The following SPAG16 variants were observed in gnomAD, a reference collection of about 807,000 sequenced individuals.
SPAG16 encodes sperm associated antigen 16, also known as sperm-associated antigen 16 protein.
A neutral mutation model predicts 80.4 loss-of-function variants in SPAG16; 86 were observed. The ratio of observed to expected loss-of-function variants is 1.07; its 90% CI spans 0.90 to 1.28. SPAG16 has a LOEUF of 1.28. Ranked by LOEUF, SPAG16 falls within the 50% of genes most tolerant of loss-of-function variation. SPAG16 has a pLI of 0.00. For synonymous variants in SPAG16, 294 were observed against 265.9 expected (o/e 1.11, Z -1.03); for missense variants, 870 against 765.3 (o/e 1.14, Z -1.61).
intron 15 of SPAG16, among the ~76,000 whole-genome samples, chr2:214,182,942 T>TAAG: frequency 6.6e-6 from 1 of 152,078 alleles, no homozygotes; most frequent in East Asian, 1.9e-4. Context: ...ATCCCAATTA[T>TAAG]AAGGAACTCT....
intron 15 of SPAG16, among the ~76,000 whole-genome samples, chr2:214,158,364 A>G (rs115527375): frequency 0.013 from 1,917 of 152,058 alleles, 16 homozygotes; most frequent in Middle Eastern, 0.02. Context: ...AATTTGATAT[A>G]AAAATATTAT....
chr2:214,231,692 T>C (rs989118084), intron 15 of SPAG16, among the ~76,000 whole-genome samples: 1 of 152,070 alleles, frequency 6.6e-6, no homozygotes, highest in Non-Finnish European at 1.5e-5. Context: ...CAAAGAAACT[T>C]GCAGTAAACT....
At chr2:214,185,686 A>G (rs1377056192) in intron 15 of SPAG16, among the ~76,000 whole-genome samples, 1 of 152,144 alleles carries the variant, frequency 6.6e-6, no homozygotes, top group African/African-American at 2.4e-5. Flanking sequence ...TGCAGGCCAG[A>G]CAGAGACAGA....
chr2:213,542,326 T>C (rs2076474633), intron 10 of SPAG16, among the ~76,000 whole-genome samples: 1 of 152,186 alleles, frequency 6.6e-6, no homozygotes, highest in African/African-American at 2.4e-5. Context: ...CTTTACTTTC[T>C]TCAGTGTTTT....
chr2:213,801,131 T>C (rs1476437505), intron 10 of SPAG16, among the ~76,000 whole-genome samples: 1 of 152,246 alleles, frequency 6.6e-6, no homozygotes, highest in African/African-American at 2.4e-5. Context: ...TCAGATCTTT[T>C]CTGGCAGACC....
At chr2:214,050,655 A>C (rs188444048) in intron 13 of SPAG16, among the ~76,000 whole-genome samples, 1 of 152,278 alleles carries the variant, frequency 6.6e-6, no homozygotes, top group East Asian at 1.9e-4. Flanking sequence ...TATGTATTTT[A>C]AAAAGCCCAT....
intron 10 of SPAG16, among the ~76,000 whole-genome samples, chr2:213,675,382 T>C (rs1048650953): frequency 2.6e-5 from 4 of 152,222 alleles, no homozygotes; most frequent in East Asian, 1.9e-4. Context: ...AGAAGCTCTT[T>C]AGTTTAATTA....
At chr2:213,320,147 G>A (rs1316306238) in intron 5 of SPAG16, among the ~76,000 whole-genome samples, 1 of 151,860 alleles carries the variant, frequency 6.6e-6, no homozygotes, top group Admixed American at 6.6e-5. Context: ...TTATAGCCTG[G>A]TTCTACTGAT....
At chr2:213,427,565 A>G (rs995043779) in intron 9 of SPAG16, among the ~76,000 whole-genome samples, 2 of 152,168 alleles carry the variant, frequency 1.3e-5, no homozygotes, top group African/African-American at 4.8e-5. Context: ...ATACATCTCA[A>G]TAAGAAAGTC....
At chr2:213,846,638 C>T (rs867858329) in intron 10 of SPAG16, among the ~76,000 whole-genome samples, 4 of 151,786 alleles carry the variant, frequency 2.6e-5, no homozygotes, top group South Asian at 4.2e-4. Context: ...CAGTGAGACC[C>T]CTTTATCTTA....
chr2:213,443,428 C>T (rs1382918923), intron 9 of SPAG16, among the ~76,000 whole-genome samples: 1 of 152,080 alleles, frequency 6.6e-6, no homozygotes, highest in East Asian at 1.9e-4. Context: ...CTGTGTCTGG[C>T]TTATTTCAGT....
chr2:214,269,147 CTTTG>C (rs1015062192), intron 15 of SPAG16, among the ~76,000 whole-genome samples: 4 of 151,904 alleles, frequency 2.6e-5, no homozygotes, highest in Admixed American at 6.6e-5. Context: ...AGCAAAATAT[CTTTG>C]TTTCAGTTTA....
At chr2:214,044,737 T>C (rs971087648) in intron 13 of SPAG16, among the ~76,000 whole-genome samples, 8 of 151,612 alleles carry the variant, frequency 5.3e-5, no homozygotes, top group South Asian at 4.2e-4. Context: ...AGAGGGAGAG[T>C]TCAACAATTG....
chr2:213,923,581 C>T (rs1056710998), intron 11 of SPAG16, among the ~76,000 whole-genome samples: 8 of 152,150 alleles, frequency 5.3e-5, no homozygotes, highest in South Asian at 2.1e-4. Context: ...TATCATGTGT[C>T]GCTTGCCTGG....
At chr2:214,079,738 A>T (rs1336793709) in intron 13 of SPAG16, among the ~76,000 whole-genome samples, 1 of 152,148 alleles carries the variant, frequency 6.6e-6, no homozygotes, top group African/African-American at 2.4e-5. Context: ...CTTATTTTAG[A>T]AGTCAGATTT....
chr2:213,359,956 G>C (rs542581214), intron 7 of SPAG16, among the ~76,000 whole-genome samples: 11 of 152,100 alleles, frequency 7.2e-5, no homozygotes, highest in Admixed American at 2.0e-4. Context: ...ATCTAATATG[G>C]AACAGTTAGT....
At chr2:213,496,072 G>A (rs1190580618) in intron 10 of SPAG16, among the ~76,000 whole-genome samples, 2 of 152,138 alleles carry the variant, frequency 1.3e-5, no homozygotes, top group East Asian at 3.8e-4. Context: ...AAAACAAGGT[G>A]TCTGTAACTG....
chr2:213,453,513 A>G (rs1372465725), intron 9 of SPAG16, among the ~76,000 whole-genome samples: 1 of 152,236 alleles, frequency 6.6e-6, no homozygotes, highest in African/African-American at 2.4e-5. Flanking sequence ...TTATATTTTC[A>G]TAATTTATAA....
intron 14 of SPAG16, among the ~76,000 whole-genome samples, chr2:214,143,234 G>GTTTTT (rs59910884): frequency 8.9e-5 from 10 of 112,668 alleles, no homozygotes; most frequent in East Asian, 2.7e-4. Flanking sequence ...ATAGTTTTGG[G>GTTTTT]TTTTTTTTTT....
Sources: gnomAD v4.1 joint callset for allele counts (sites outside exome capture counted in the v4.1 genomes callset) on GRCh38, gnomAD v4.1.1 for gene constraint, MANE v1.5 for transcripts, NCBI Gene and HGNC (gene_info 2026-07-23, HGNC 2026-07-21) for gene names.